The following REPIN1 variants were observed in gnomAD, a reference collection of about 807,000 sequenced individuals.
REPIN1 encodes the protein replication initiator 1.
A neutral mutation model predicts 5.7 loss-of-function variants in REPIN1; 4 were observed. That is an observed-to-expected ratio of 0.71 (90% CI 0.35 to 1.62). The LOEUF (loss-of-function observed/expected upper bound fraction) is 1.62. REPIN1 is among the 40% of genes most tolerant of loss of function. The pLI is 0.05. For missense variants in REPIN1, 854 were observed against 901.0 expected, an observed-to-expected ratio of 0.95 and a Z score of 0.67; for synonymous variants, 410 against 386.2, an observed-to-expected ratio of 1.06 and a Z score of -0.72.
At chr7:150,368,537 C>A (rs1295373555), upstream of REPIN1, among the ~76,000 whole-genome samples, 1 of 152,086 alleles carries the variant, frequency 6.6e-6, no homozygotes, top group Non-Finnish European at 1.5e-5. Context: ...GCGCGTGCTC[C>A]GCAGGGACAA....
At position 150,372,475 on chromosome 7, in the gene REPIN1, T is replaced by G; in HGVS notation, c.1405T>G (p.Phe469Val). 7 of 1,544,304 alleles carry G rather than the reference T, an allele frequency of 4.5e-6. No homozygotes were observed. The highest frequency in any genetic ancestry group is 6.1e-6 in the Non-Finnish European group (7 of 1,151,106). The change falls in exon 3 of 3, where the codon TTC becomes GTC. Residue 469 changes from phenylalanine (F) to valine (V), a missense_variant. Physicochemically the swap from Phe to Val is conservative, Grantham distance 50. Around this residue, in one of 5 missense-constraint regions of REPIN1, gnomAD observed 327 missense variants for 307.8 expected, o/e 1.06. Transcript: ENST00000489432. Reference sequence around the variant, plus strand: ...CACCTGCGCCGAGTGCGGGAAGAACTTCGGCAAGAAGACGCACCTGGTGGC... The same window carrying G: ...CACCTGCGCCGAGTGCGGGAAGAACGTCGGCAAGAAGACGCACCTGGTGGC... ...PFTCAECGKN[F>V]GKKTHLVAHS...
upstream of REPIN1, chr7:150,368,736 G>A (rs1385462374): frequency 1.5e-5 from 4 of 261,064 alleles, no homozygotes; most frequent in Admixed American, 1.1e-4. Flanking sequence ...GGCCGCGGCC[G>A]CGGGAGCCGG....
chr7:150,368,520 C>T (rs917846800), upstream of REPIN1, among the ~76,000 whole-genome samples: 1 of 152,064 alleles, frequency 6.6e-6, no homozygotes, highest in Non-Finnish European at 1.5e-5. Context: ...CGCGGTCGCC[C>T]GGGGACGCGC....
In REPIN1 at chr7:150,372,530, C is replaced by T. The variant is rs1475444995; in HGVS notation, c.1460C>T (p.Pro487Leu). ...TCGCGCGTGCACTCCGGCGAGCGGC[C>T]CTTCGCCTGCGAGGAGTGCGGCCGC... ...AHSRVHSGER[P>L]FACEECGRRF... The change falls in exon 3 of 3, where the codon CCC becomes CTC. Residue 487 changes from proline to leucine, a missense_variant. Physicochemically the swap from Pro to Leu is moderately conservative, Grantham distance 98. Coordinates refer to ENST00000489432, the MANE Select transcript of REPIN1 (RefSeq NM_001099695.2). 1.3e-6 allele frequency: 2 copies of T among 1,562,154 alleles called. No homozygotes were observed. The highest frequency in any genetic ancestry group is 3.7e-5 in the Admixed American group (2 of 53,848).
chr7:150,370,885 G>T (rs1377072534), intron 2 of REPIN1: 2 of 700,630 alleles, frequency 2.9e-6, no homozygotes, highest in Non-Finnish European at 5.2e-6. Context: ...ACATTTTCTG[G>T]TGAGTCCTGT....
chr7:150,371,935 G>A lies in REPIN1; in HGVS notation c.865G>A (p.Val289Ile), dbSNP rs1242237464. The A allele has an allele frequency of 1.9e-6, 3 of 1,608,656 alleles. No individual in the cohort carries two copies. The highest frequency in any genetic ancestry group is 1.1e-5 in the South Asian group (1 of 91,026). Residue 289 changes from valine (V) to isoleucine (I), a missense_variant, in exon 3 of 3, where the codon GTC becomes ATC. Around this residue, in one of 5 missense-constraint regions of REPIN1, gnomAD observed 409 missense variants for 418.6 expected, o/e 0.98. Coordinates refer to ENST00000489432, the MANE Select transcript of REPIN1 (RefSeq NM_001099695.2). ...VTAPRPGGDA[V>I]DRPFQCACCG... ...CGCCCCCCGGCCCGGTGGAGATGCC[G>A]TCGACCGCCCCTTCCAGTGTGCCTG...
In REPIN1 at chr7:150,372,707, G is replaced by T. The variant is rs1799990752; in HGVS notation, c.1637G>T (p.Cys546Phe). 2 of 1,612,662 alleles carry T rather than the reference G, an allele frequency of 1.2e-6. No individual in the cohort carries two copies. The highest frequency in any genetic ancestry group is 1.7e-6 in the Non-Finnish European group (2 of 1,179,896). ...RIHTGEKPYVCPDCGKAFSQK... is the reference protein window; with the variant it reads ...RIHTGEKPYVFPDCGKAFSQK... ...CACACCGGCGAGAAGCCCTACGTCTGCCCCGACTGCGGCAAAGCCTTCAGC... is the reference window on the plus strand; with the variant it reads ...CACACCGGCGAGAAGCCCTACGTCTTCCCCGACTGCGGCAAAGCCTTCAGC... Residue 546 changes from cysteine to phenylalanine, a missense_variant, in exon 3 of 3, where the codon TGC becomes TTC. Around this residue, in one of 5 missense-constraint regions of REPIN1, gnomAD observed 101 missense variants for 124.7 expected, o/e 0.81. Coordinates refer to ENST00000489432, the MANE Select transcript of REPIN1 (RefSeq NM_001099695.2).
In REPIN1 at chr7:150,371,290, C is replaced by T; in HGVS notation, c.220C>T (p.Pro74Ser). 1 of 1,594,480 alleles carries T rather than the reference C, an allele frequency of 6.3e-7. No homozygotes were observed. Among genetic ancestry groups the T allele is most frequent in the Non-Finnish European group, 8.5e-7 (1 of 1,171,310 alleles). Reference sequence around the variant, plus strand: ...CCCCCTGGCCATGGGCCTGGCCCAGCCCCGACTCCTTTCTGGGCCCTCCCA... The same window carrying T: ...CCCCCTGGCCATGGGCCTGGCCCAGTCCCGACTCCTTTCTGGGCCCTCCCA... The part of the protein sequence containing the change: ...RGPLAMGLAQ[P>S]RLLSGPSQES... Residue 74 changes from proline (P) to serine (S), a missense_variant, in exon 3 of 3, where the codon CCC becomes TCC. Transcript: ENST00000489432.
Position 150,368,875 on chromosome 7 carries a change from G to T in REPIN1, c.-108G>T. Reference sequence around the variant, plus strand: ...CCGCGGCGGGGCGGGGAGCGAGAGTGGGCCGCGGAGGCCGGCCTTCGGGCT... The same window carrying T: ...CCGCGGCGGGGCGGGGAGCGAGAGTTGGCCGCGGAGGCCGGCCTTCGGGCT... On this transcript the variant is annotated 5_prime_UTR_variant, in exon 1 of 3. Transcript: ENST00000489432. 1 of 345,680 alleles carries T rather than the reference G, an allele frequency of 2.9e-6. No individual in the cohort carries two copies. Among genetic ancestry groups the T allele is most frequent in the Admixed American group, 4.8e-5 (1 of 21,050 alleles). 21.4% of individuals were successfully genotyped at this position (345,680 alleles called of 1,614,324 possible). A position where few individuals can be genotyped will look rare whatever the true frequency, so the allele number is the denominator to read the frequency against.
At position 150,373,276 on chromosome 7, in the gene REPIN1, C is replaced by T; in HGVS notation, c.*331C>T. On this transcript the variant is annotated 3_prime_UTR_variant, in exon 3 of 3. Coordinates refer to ENST00000489432, the MANE Select transcript of REPIN1 (RefSeq NM_001099695.2). ...GAGGAGCCACCAGTGGAAAGGAAGA[C>T]CCTCCATCCTCTGGTATTAACGCCT... 1 of 383,392 alleles carries T rather than the reference C, an allele frequency of 2.6e-6. No individual in the cohort carries two copies. 23.7% of individuals were successfully genotyped at this position (383,392 alleles called of 1,614,324 possible).
At chr7:150,370,625 C>T (rs3757423) in intron 2 of REPIN1, 234,421 of 655,328 alleles carry the variant, frequency 0.36, 44,506 homozygotes, top group East Asian at 0.58. Flanking sequence ...AACCCAGGCG[C>T]TTTAGAGGAA....
chr7:150,369,801 A>T lies in REPIN1; in HGVS notation c.90A>T (p.Gly30=). The change falls in exon 2 of 3, where the codon GGA becomes GGT. Residue 30 remains glycine, a synonymous_variant. Coordinates refer to ENST00000489432, the MANE Select transcript of REPIN1 (RefSeq NM_001099695.2). ...GCCGAAGCAGGCGCTGCAGCCGCGG[A>T]AGTATCCCCAGGAACATCCCCAAGA... ...SVGRSRRCSR[G]SIPRNIPKRS... is the part of the protein sequence containing the mutation. 1 of 1,613,808 alleles carries T rather than the reference A, an allele frequency of 6.2e-7. No homozygotes were observed. Among genetic ancestry groups the T allele is most frequent in the Non-Finnish European group, 8.5e-7 (1 of 1,179,744 alleles).
rs1410076521 is a variant in REPIN1, at chr7:150,372,492, C to G, written c.1422C>G (p.His474Gln). 6.5e-7 allele frequency: 1 copy of G among 1,546,478 alleles called. No homozygotes were observed. The highest frequency in any genetic ancestry group is 8.7e-7 in the Non-Finnish European group (1 of 1,152,160). Residue 474 changes from histidine (H) to glutamine (Q), a missense_variant, in exon 3 of 3, where the codon CAC becomes CAG. By Grantham distance (24) the His-to-Gln change is conservative. This residue lies in a region of REPIN1 where 327 missense variants were observed against 307.8 expected (regional missense o/e 1.06). Transcript: ENST00000489432. ...GGAAGAACTTCGGCAAGAAGACGCA[C>G]CTGGTGGCGCACTCGCGCGTGCACT... Reference protein sequence around the residue: ...ECGKNFGKKTHLVAHSRVHSG... With the variant: ...ECGKNFGKKTQLVAHSRVHSG...
Position 150,372,573 on chromosome 7 carries a change from C to G in REPIN1, c.1503C>G (p.Ser501Arg), listed in dbSNP as rs1217882497. 1.1e-5 allele frequency: 18 copies of G among 1,600,328 alleles called. No individual in the cohort carries two copies. Among genetic ancestry groups the G allele is most frequent in the Non-Finnish European group, 1.4e-5 (17 of 1,176,064 alleles). Residue 501 changes from serine to arginine, a missense_variant, in exon 3 of 3, where the codon AGC (serine) becomes AGG (arginine). Ser to Arg is a moderately radical substitution (Grantham distance 110). Transcript: ENST00000489432. ...GCGGCCGCCGCTTCTCCCAGGGCAG[C>G]CATCTGGCGGCGCATCGGCGCGACC... ...EECGRRFSQG[S>R]HLAAHRRDHA...
In REPIN1 at chr7:150,371,235, A is replaced by G. The variant is rs1171870911; in HGVS notation, c.165A>G (p.Glu55=). ...GTGCTTTTCCACCCTCAGCAGAGGA[A>G]GAACCGATGCTGGAACGTCGTTGCA... ...HPQLCSLQAE[E]EPMLERRCRG... The change falls in exon 3 of 3, where the codon GAA becomes GAG. Residue 55 remains glutamate (E), a synonymous_variant. Coordinates refer to ENST00000489432, the MANE Select transcript of REPIN1 (RefSeq NM_001099695.2). The G allele has an allele frequency of 1.9e-6, 3 of 1,591,616 alleles. No homozygotes were observed. Among genetic ancestry groups the G allele is most frequent in the Non-Finnish European group, 2.6e-6 (3 of 1,168,268 alleles).
In REPIN1 at chr7:150,371,386, G is replaced by C. The variant is rs35090619; in HGVS notation, c.316G>C (p.Gly106Arg). ...RQQGTSVAQS[G>R]AQAPGRAHRC... ...ACAAGGCACGTCAGTGGCCCAGTCT[G>C]GTGCCCAAGCCCCAGGCAGGGCCCA... The change falls in exon 3 of 3, where the codon GGT becomes CGT. Residue 106 changes from glycine (G) to arginine (R), a missense_variant. Around this residue, in one of 5 missense-constraint regions of REPIN1, gnomAD observed 409 missense variants for 418.6 expected, o/e 0.98. Transcript: ENST00000489432. The C allele has an allele frequency of 9.8e-4, 1,570 of 1,595,558 alleles. 17 individuals are homozygous for C. In the African/African-American group the frequency reaches 0.018, roughly 18 times the overall value.
Position 150,372,350 on chromosome 7 carries a change from C to T in REPIN1, c.1280C>T (p.Ala427Val), listed in dbSNP as rs1481474859. ...PPEHPQDPIE[A>V]PPSLYSCDDC... ...GAGCACCCGCAGGACCCGATCGAAG[C>T]CCCCCCCTCCCTCTACAGCTGCGAC... Residue 427 changes from alanine to valine, a missense_variant, in exon 3 of 3, where the codon GCC becomes GTC. This residue lies in a region of REPIN1 where 327 missense variants were observed against 307.8 expected (regional missense o/e 1.06). Coordinates refer to ENST00000489432, the MANE Select transcript of REPIN1 (RefSeq NM_001099695.2). 1 of 1,500,046 alleles carries T rather than the reference C, an allele frequency of 6.7e-7. No homozygotes were observed. Among genetic ancestry groups the T allele is most frequent in the Admixed American group, 2.3e-5 (1 of 43,162 alleles). The allele number at this position is 1,500,046 out of a possible 1,614,324, so 92.9% of individuals were successfully genotyped here.
At position 150,372,121 on chromosome 7, in the gene REPIN1, T is replaced by A; in HGVS notation, c.1051T>A (p.Cys351Ser). The change falls in exon 3 of 3, where the codon TGC (cysteine) becomes AGC (serine). Residue 351 changes from cysteine (C) to serine (S), a missense_variant. By Grantham distance (112) the Cys-to-Ser change is moderately radical. This residue lies in a region of REPIN1 where 327 missense variants were observed against 307.8 expected (regional missense o/e 1.06). Coordinates refer to ENST00000489432, the MANE Select transcript of REPIN1 (RefSeq NM_001099695.2). ...RIHTGEKPYP[C>S]KECGRRFRHK... ...CCACACCGGCGAGAAGCCCTACCCG[T>A]GCAAAGAGTGCGGCCGCCGCTTCCG... 6.2e-7 allele frequency: 1 copy of A among 1,611,544 alleles called. No individual in the cohort carries two copies. The highest frequency in any genetic ancestry group is 8.5e-7 in the Non-Finnish European group (1 of 1,179,516).
Position 150,372,384 on chromosome 7 carries a change from C to A in REPIN1, c.1314C>A (p.Gly438=). ...PPSLYSCDDC[G]RSFRLERFLR... Reference sequence around the variant, plus strand: ...CCCTCTACAGCTGCGACGACTGCGGCAGGAGCTTCCGGCTGGAGCGCTTCC... The same window carrying A: ...CCCTCTACAGCTGCGACGACTGCGGAAGGAGCTTCCGGCTGGAGCGCTTCC... Residue 438 remains glycine (G), a synonymous_variant, in exon 3 of 3, where the codon GGC becomes GGA. Coordinates refer to ENST00000489432, the MANE Select transcript of REPIN1 (RefSeq NM_001099695.2). 1.3e-6 allele frequency: 2 copies of A among 1,489,840 alleles called. No homozygotes were observed. Among genetic ancestry groups the A allele is most frequent in the African/African-American group, 1.4e-5 (1 of 70,926 alleles). The allele number at this position is 1,489,840 out of a possible 1,614,324, so 92.3% of individuals were successfully genotyped here.
Sources: gnomAD v4.1 joint callset for allele counts (sites outside exome capture counted in the v4.1 genomes callset) on GRCh38, gnomAD v4.1.1 for gene constraint, gnomAD v4.1.1 regional missense constraint, MANE v1.5 for transcripts, NCBI Gene and HGNC (gene_info 2026-07-23, HGNC 2026-07-21) for gene names.